Variants in MGAT4C observed in about 807,000 individuals in gnomAD.
MGAT4C encodes the protein MGAT4 family member C, also known as alpha-1,3-mannosyl-glycoprotein 4-beta-N-acetylglucosaminyltransferase C.
A neutral mutation model predicts 40.1 loss-of-function variants in MGAT4C; 19 were observed. The observed-to-expected ratio is 0.47, with a 90% CI of 0.33 to 0.70. The LOEUF is 0.70. MGAT4C is among the 30% of genes least tolerant of loss of function. The pLI is 0.02. For missense variants in MGAT4C, 491 were observed against 563.2 expected, an observed-to-expected ratio of 0.87 and a Z score of 1.30; for synonymous variants, 181 against 187.1, an observed-to-expected ratio of 0.97 and a Z score of 0.27.
At chr12:86,606,067 G>A (rs913399664) in intron 2 of MGAT4C, among the ~76,000 whole-genome samples, 1 of 152,006 alleles carries the variant, frequency 6.6e-6, no homozygotes, top group African/African-American at 2.4e-5. Context: ...CTAAGTGAAG[G>A]GGAAAGAGCC....
At chr12:86,523,444 G>A (rs1958830502) in intron 2 of MGAT4C, among the ~76,000 whole-genome samples, 1 of 152,148 alleles carries the variant, frequency 6.6e-6, no homozygotes, top group Non-Finnish European at 1.5e-5. Context: ...ATCACGCTGT[G>A]ATCTGAAAGA....
chr12:86,784,922 A>T (rs1371667051), intron 1 of MGAT4C, among the ~76,000 whole-genome samples: 1 of 152,004 alleles, frequency 6.6e-6, no homozygotes, highest in Non-Finnish European at 1.5e-5. Context: ...CTTTGGACTG[A>T]TATGGGAAAC....
chr12:86,217,322 A>G (rs1950710679), intron 1 of MGAT4C, among the ~76,000 whole-genome samples: 2 of 152,162 alleles, frequency 1.3e-5, no homozygotes, highest in Non-Finnish European at 1.5e-5. Context: ...TTACAGGCAC[A>G]TGCCACTACT....
intron 1 of MGAT4C, among the ~76,000 whole-genome samples, chr12:86,780,105 C>T (rs12822196): frequency 0.73 from 110,893 of 151,766 alleles, 42,215 homozygotes; most frequent in South Asian, 0.85. Context: ...CTTGAAAGAA[C>T]GTTTATAATC....
At chr12:86,212,330 C>T (rs941298512) in intron 1 of MGAT4C, among the ~76,000 whole-genome samples, 18 of 151,792 alleles carry the variant, frequency 1.2e-4, no homozygotes, top group East Asian at 3.9e-4. Context: ...AGGTTTTGGA[C>T]GTAGAGAATA....
rs184498426 is a variant in MGAT4C at position 86,674,573 on chromosome 12, T to C, written c.-229+52636A>G. On this transcript the variant is annotated intron_variant, in intron 2 of 7. Coordinates refer to the MGAT4C transcript ENST00000548651. ...CTATCCAAGTATGGTGTCAGGCACGTGTAATCCCAGCCACTTGGGAGGCTG... is the reference window on the plus strand; with the variant it reads ...CTATCCAAGTATGGTGTCAGGCACGCGTAATCCCAGCCACTTGGGAGGCTG... 1.7e-4 allele frequency among the ~76,000 whole-genome samples: 26 copies of C among 152,162 alleles called. No homozygotes were observed. In the East Asian group the frequency reaches 3.7e-3, roughly 22 times the overall value.
At chr12:86,803,809 CT>C (rs1479618379) in intron 1 of MGAT4C, among the ~76,000 whole-genome samples, 2 of 150,458 alleles carry the variant, frequency 1.3e-5, no homozygotes, top group African/African-American at 4.9e-5. Flanking sequence ...CACTTTTACA[CT>C]GTTGGTGGGA....
intron 4 of MGAT4C, among the ~76,000 whole-genome samples, chr12:86,263,375 C>T (rs1402471999): frequency 1.3e-5 from 2 of 152,136 alleles, no homozygotes; most frequent in Non-Finnish European, 2.9e-5. Context: ...ATTATACTCT[C>T]TATGTCCATG....
At chr12:86,195,956 A>T (rs1458988487) in intron 1 of MGAT4C, among the ~76,000 whole-genome samples, 1 of 152,228 alleles carries the variant, frequency 6.6e-6, no homozygotes, top group East Asian at 1.9e-4. Context: ...CTATATAGAC[A>T]TGTATATAGA....
intron 2 of MGAT4C, among the ~76,000 whole-genome samples, chr12:86,035,364 T>G (rs1891127280): frequency 6.7e-6 from 1 of 150,352 alleles, no homozygotes; most frequent in Non-Finnish European, 1.5e-5. Flanking sequence ...GTTTGTTGGC[T>G]GCATAAATGT....
intron 1 of MGAT4C, among the ~76,000 whole-genome samples, chr12:86,734,634 T>C (rs1402264045): frequency 6.6e-6 from 1 of 151,976 alleles, no homozygotes; most frequent in African/African-American, 2.4e-5. Flanking sequence ...CTCTGCCCTG[T>C]AGCACATGAG....
intron 1 of MGAT4C, among the ~76,000 whole-genome samples, chr12:86,079,076 A>C (rs1188605123): frequency 6.6e-6 from 1 of 152,198 alleles, no homozygotes; most frequent in Non-Finnish European, 1.5e-5. Context: ...ACTAATAAAA[A>C]TATGGTGTAA....
intron 1 of MGAT4C, among the ~76,000 whole-genome samples, chr12:86,199,414 T>C (rs1949953193): frequency 1.3e-5 from 2 of 152,250 alleles, no homozygotes; most frequent in South Asian, 4.2e-4. Flanking sequence ...ATAAGCTGCA[T>C]ATTCTGATTT....
chr12:86,423,924 G>A (rs932747198), intron 3 of MGAT4C, among the ~76,000 whole-genome samples: 2 of 152,120 alleles, frequency 1.3e-5, no homozygotes. Flanking sequence ...AAAGGGGTAG[G>A]ACATAGGGAA....
chr12:86,179,706 A>T (rs1009400016), intron 1 of MGAT4C, among the ~76,000 whole-genome samples: 1 of 152,178 alleles, frequency 6.6e-6, no homozygotes, highest in Non-Finnish European at 1.5e-5. Flanking sequence ...TTTGAACTTG[A>T]CAGGGATGAT....
intron 1 of MGAT4C, among the ~76,000 whole-genome samples, chr12:86,783,802 G>GA (rs1951885768): frequency 6.6e-6 from 1 of 152,016 alleles, no homozygotes; most frequent in South Asian, 2.1e-4. Context: ...ATAATATAAA[G>GA]GAAATCAATT....
At chr12:86,542,564 A>C (rs1298708851) in intron 2 of MGAT4C, among the ~76,000 whole-genome samples, 1 of 152,138 alleles carries the variant, frequency 6.6e-6, no homozygotes, top group Non-Finnish European at 1.5e-5. Flanking sequence ...TTTATTATTT[A>C]ATACATATCT....
chr12:85,995,386 T>G (rs563318584), intron 2 of MGAT4C, among the ~76,000 whole-genome samples: 10 of 152,188 alleles, frequency 6.6e-5, no homozygotes, highest in Non-Finnish European at 1.2e-4. Flanking sequence ...AATCTTTGAG[T>G]TGATACTGGT....
intron 1 of MGAT4C, among the ~76,000 whole-genome samples, chr12:86,126,274 A>G (rs897513385): frequency 6.6e-6 from 1 of 152,164 alleles, no homozygotes; most frequent in Non-Finnish European, 1.5e-5. Flanking sequence ...ATATATGTAT[A>G]TAAAATGAAT....
Sources: gnomAD v4.1 joint callset for allele counts (sites outside exome capture counted in the v4.1 genomes callset) on GRCh38, gnomAD v4.1.1 for gene constraint, MANE v1.5 for transcripts, NCBI Gene and HGNC (gene_info 2026-07-23, HGNC 2026-07-21) for gene names.